SPOCK3: variants seen among roughly 807,000 people sequenced by gnomAD.
The protein encoded by SPOCK3 is SPARC (osteonectin), cwcv and kazal like domains proteoglycan 3, also known as testican-3.
SPOCK3 carries 30 observed loss-of-function variants against 56.6 expected under a neutral mutation model. The ratio of observed to expected loss-of-function variants is 0.53; its 90% CI spans 0.40 to 0.72. SPOCK3 has a LOEUF of 0.72. Ranked by LOEUF, SPOCK3 falls within the 30% of genes least tolerant of loss-of-function variation. The probability of loss-of-function intolerance (pLI) is 0.00; values close to 1 mark genes in which losing one functional copy is unlikely to be tolerated. For synonymous variants in SPOCK3, 196 were observed against 183.3 expected (o/e 1.07, Z -0.56); for missense variants, 527 against 530.0 (o/e 0.99, Z 0.06).
At chr4:167,096,895 C>A (rs771799345) in intron 2 of SPOCK3, among the ~76,000 whole-genome samples, 3 of 151,774 alleles carry the variant, frequency 2.0e-5, no homozygotes, top group African/African-American at 7.2e-5. Context: ...ATCTATTTCT[C>A]TTTTCAGTTC....
intron 2 of SPOCK3, among the ~76,000 whole-genome samples, chr4:167,064,653 A>T (rs1755928484): frequency 6.6e-6 from 1 of 151,814 alleles, no homozygotes; most frequent in Admixed American, 6.6e-5. Context: ...AGACATGCAC[A>T]CGTGAGTGAT....
chr4:167,134,031 T>C (rs531840906), intron 2 of SPOCK3, among the ~76,000 whole-genome samples: 12 of 140,822 alleles, frequency 8.5e-5, no homozygotes, highest in Non-Finnish European at 1.2e-4. Flanking sequence ...TCTTTTTTTT[T>C]TTTTTTTTTT....
chr4:167,223,284 A>G (rs1413017970), intron 2 of SPOCK3, among the ~76,000 whole-genome samples: 1 of 143,218 alleles, frequency 7.0e-6, no homozygotes, highest in Non-Finnish European at 1.5e-5. Context: ...ATAAATATGT[A>G]TTTATATATT....
intron 2 of SPOCK3, among the ~76,000 whole-genome samples, chr4:167,183,825 G>C (rs952145659): frequency 6.6e-6 from 1 of 152,192 alleles, no homozygotes; most frequent in African/African-American, 2.4e-5. Flanking sequence ...TCAGCCATGA[G>C]AGCTTACCAG....
At chr4:167,225,468 T>C (rs1248425610) in intron 2 of SPOCK3, among the ~76,000 whole-genome samples, 1 of 152,090 alleles carries the variant, frequency 6.6e-6, no homozygotes, top group Non-Finnish European at 1.5e-5. Context: ...AATAACTTTA[T>C]GAAGACTTTT....
intron 6 of SPOCK3, among the ~76,000 whole-genome samples, chr4:166,799,910 G>A (rs971055991): frequency 6.6e-6 from 1 of 152,012 alleles, no homozygotes. Context: ...GGCCGGGCAC[G>A]GTGGCTCACG....
intron 2 of SPOCK3, among the ~76,000 whole-genome samples, chr4:167,174,395 T>C (rs972537966): frequency 6.6e-6 from 1 of 151,172 alleles, no homozygotes; most frequent in Non-Finnish European, 1.5e-5. Flanking sequence ...TAAGCAAAAT[T>C]ACTAGTTATA....
At chr4:166,929,238 T>G (rs905093246) in intron 4 of SPOCK3, among the ~76,000 whole-genome samples, 1 of 152,094 alleles carries the variant, frequency 6.6e-6, no homozygotes, top group African/African-American at 2.4e-5. Flanking sequence ...AGCAGAGGTG[T>G]TCTGGTTTGA....
intron 2 of SPOCK3, among the ~76,000 whole-genome samples, chr4:167,140,603 G>A (rs1267948984): frequency 3.9e-5 from 6 of 151,958 alleles, no homozygotes; most frequent in African/African-American, 9.7e-5. Context: ...ACTAAAAGTT[G>A]TCACCACAAC....
chr4:166,999,025 A>C (rs1380299195), intron 4 of SPOCK3, among the ~76,000 whole-genome samples: 2 of 152,182 alleles, frequency 1.3e-5, no homozygotes, highest in Non-Finnish European at 2.9e-5. Flanking sequence ...CATCAAAGTC[A>C]GGATTGATGG....
intron 6 of SPOCK3, among the ~76,000 whole-genome samples, chr4:166,806,705 T>C (rs1439194490): frequency 6.6e-6 from 1 of 152,022 alleles, no homozygotes; most frequent in Non-Finnish European, 1.5e-5. Context: ...TAGTGTTTCA[T>C]ACTATTAATG....
chr4:167,002,992 G>T (rs1202009290), intron 3 of SPOCK3, among the ~76,000 whole-genome samples: 1 of 151,984 alleles, frequency 6.6e-6, no homozygotes, highest in East Asian at 1.9e-4. Flanking sequence ...TCTGAAAAAG[G>T]AGTGTTTTCA....
At chr4:167,021,424 C>G (rs929263524) in intron 3 of SPOCK3, among the ~76,000 whole-genome samples, 3 of 152,024 alleles carry the variant, frequency 2.0e-5, no homozygotes, top group Admixed American at 2.0e-4. Context: ...CATCAGTCCT[C>G]TCACTGGAGA....
At position 166,869,606 on chromosome 4, in the gene SPOCK3, CTGTGTGTGTGTGTG is replaced by C. The variant is rs34623275; in HGVS notation, c.589+19510_589+19523del. 6.2e-3 allele frequency among the ~76,000 whole-genome samples: 876 copies of C among 141,916 alleles called. 11 individuals are homozygous for C. Among genetic ancestry groups the C allele is most frequent in the African/African-American group, 0.021 (818 of 38,754 alleles). 93.1% of individuals were successfully genotyped at this position (141,916 alleles called of 152,430 possible). ...TTATGTAATTATAACCAATAGAATT[CTGTGTGTGTGTGTG>C]TGTGTGTGTGTGTGTGTGTGTGTGT... is the stretch of plus-strand genomic sequence containing the variant. On this transcript the variant is annotated intron_variant, in intron 6 of 10. Coordinates refer to ENST00000357545, the MANE Select transcript of SPOCK3 (RefSeq NM_001040159.2).
Position 167,222,746 on chromosome 4 carries a change from CATAG to C in SPOCK3, c.189+11235_189+11238del, listed in dbSNP as rs1373225860. On this transcript the variant is annotated intron_variant, in intron 2 of 10. Coordinates refer to ENST00000357545, the MANE Select transcript of SPOCK3 (RefSeq NM_001040159.2). The stretch of plus-strand genomic sequence containing the variant: ...ATATATGAATATATAAATATATAAA[CATAG>C]ATATATATTGATATATGAATATATA... 1.1e-3 allele frequency among the ~76,000 whole-genome samples: 136 copies of C among 123,230 alleles called. 1 individual carries two copies. The highest frequency in any genetic ancestry group is 4.0e-3 in the African/African-American group (126 of 31,406). 80.8% of individuals were successfully genotyped at this position (123,230 alleles called of 152,430 possible). A position where few individuals can be genotyped will look rare whatever the true frequency, so the allele number is the denominator to read the frequency against.
chr4:167,217,769 C>CTTAA (rs1735511539), intron 2 of SPOCK3, among the ~76,000 whole-genome samples: 1 of 151,920 alleles, frequency 6.6e-6, no homozygotes, highest in Non-Finnish European at 1.5e-5. Flanking sequence ...AACATGTGCC[C>CTTAA]AACTTAAAAC....
intron 3 of SPOCK3, among the ~76,000 whole-genome samples, chr4:167,024,664 T>C (rs1466900764): frequency 6.6e-6 from 1 of 151,844 alleles, no homozygotes; most frequent in East Asian, 1.9e-4. Flanking sequence ...CCCAAAGACA[T>C]GAGAATAATA....
chr4:166,824,676 T>C (rs1745278363), intron 6 of SPOCK3, among the ~76,000 whole-genome samples: 1 of 152,098 alleles, frequency 6.6e-6, no homozygotes, highest in Non-Finnish European at 1.5e-5. Flanking sequence ...CAGTATTTTG[T>C]TACATGTTAG....
chr4:166,752,423 C>T (rs1455777037), intron 8 of SPOCK3, among the ~76,000 whole-genome samples: 1 of 151,908 alleles, frequency 6.6e-6, no homozygotes, highest in East Asian at 1.9e-4. Context: ...AGTTGTTTTT[C>T]CACACTATGC....
Sources: allele counts gnomAD v4.1 joint callset (sites outside exome capture counted in the v4.1 genomes callset), GRCh38; gene constraint gnomAD v4.1.1; transcripts MANE v1.5; gene names NCBI Gene and HGNC (gene_info 2026-07-23, HGNC 2026-07-21).